Variants in QTMAN observed in about 807,000 individuals in gnomAD.
The protein encoded by QTMAN is queuosine-tRNA mannosyltransferase, also known as tRNA-queuosine alpha-mannosyltransferase.
the QTMAN span, among the ~76,000 whole-genome samples, chr2:143,984,953 G>T: frequency 6.6e-6 from 1 of 152,106 alleles, no homozygotes; most frequent in Non-Finnish European, 1.5e-5. Context: ...CAAGAACTTG[G>T]GTACCAAGAG....
chr2:143,983,440 T>C, the QTMAN span, among the ~76,000 whole-genome samples: 2 of 151,474 alleles, frequency 1.3e-5, no homozygotes, highest in African/African-American at 4.8e-5. Flanking sequence ...CAGTTATCTA[T>C]AATAAACTGA....
At chr2:144,068,349 TTC>T in the QTMAN span, among the ~76,000 whole-genome samples, 4 of 152,200 alleles carry the variant, frequency 2.6e-5, no homozygotes, top group Non-Finnish European at 5.9e-5. Flanking sequence ...GAATCCACAG[TTC>T]TGTTTGACTG....
the QTMAN span, among the ~76,000 whole-genome samples, chr2:144,049,431 A>G: frequency 6.6e-6 from 1 of 152,192 alleles, no homozygotes; most frequent in Non-Finnish European, 1.5e-5. Context: ...CTACTTTTAG[A>G]GCAATATATT....
At chr2:144,210,728 A>G in the QTMAN span, 1 of 152,214 alleles carries the variant, frequency 6.6e-6, no homozygotes, top group African/African-American at 2.4e-5. Flanking sequence ...GGAAATTGCT[A>G]GAAAGTAACT....
At chr2:144,036,571 T>G in the QTMAN span, among the ~76,000 whole-genome samples, 3 of 151,906 alleles carry the variant, frequency 2.0e-5, no homozygotes, top group East Asian at 1.9e-4. Flanking sequence ...AACACCATGT[T>G]GTACACCTTA....
the QTMAN span, among the ~76,000 whole-genome samples, chr2:143,995,494 T>A: frequency 6.6e-6 from 1 of 152,196 alleles, no homozygotes; most frequent in Admixed American, 6.5e-5. Flanking sequence ...ATTACATATA[T>A]CATCTTCTTT....
the QTMAN span, among the ~76,000 whole-genome samples, chr2:144,111,308 C>T: frequency 6.6e-6 from 1 of 152,144 alleles, no homozygotes; most frequent in African/African-American, 2.4e-5. Context: ...TGTTTCTTCC[C>T]CTGTACCCTT....
chr2:144,163,552 T>C, the QTMAN span, among the ~76,000 whole-genome samples: 1 of 152,202 alleles, frequency 6.6e-6, no homozygotes, highest in Non-Finnish European at 1.5e-5. Context: ...AATCCCTTTA[T>C]TTGTAAATAC....
the QTMAN span, among the ~76,000 whole-genome samples, chr2:144,150,881 T>G: frequency 6.6e-6 from 1 of 152,162 alleles, no homozygotes; most frequent in Non-Finnish European, 1.5e-5. Context: ...TCTAAGCATG[T>G]GCTGAGCACC....
chr2:144,107,002 G>C, the QTMAN span, among the ~76,000 whole-genome samples: 1 of 152,214 alleles, frequency 6.6e-6, no homozygotes, highest in Non-Finnish European at 1.5e-5. Flanking sequence ...GCTCCTGAAT[G>C]ACTACTGGGT....
the QTMAN span, among the ~76,000 whole-genome samples, chr2:144,163,463 A>C: frequency 4.6e-5 from 7 of 152,308 alleles, no homozygotes; most frequent in South Asian, 1.4e-3. Context: ...TAAAGTTAGT[A>C]ATCCCTACAT....
chr2:144,192,908 T>C, the QTMAN span, among the ~76,000 whole-genome samples: 57 of 152,230 alleles, frequency 3.7e-4, no homozygotes, highest in African/African-American at 1.3e-3. Context: ...TTGGCAGCTA[T>C]GATGTTCAGC....
At chr2:144,202,202 A>C in the QTMAN span, among the ~76,000 whole-genome samples, 3 of 152,246 alleles carry the variant, frequency 2.0e-5, no homozygotes, top group African/African-American at 7.2e-5. Context: ...AAAACAAGAA[A>C]GCATGAAAGC....
chr2:143,974,472 C>A, the QTMAN span, among the ~76,000 whole-genome samples: 82 of 152,168 alleles, frequency 5.4e-4, no homozygotes, highest in African/African-American at 2.0e-3. Context: ...TTCTGACACA[C>A]ATATATGATG....
chr2:144,230,606 C>T, the QTMAN span, among the ~76,000 whole-genome samples: 1 of 152,010 alleles, frequency 6.6e-6, no homozygotes, highest in Admixed American at 6.5e-5. Flanking sequence ...GCTGATGTAA[C>T]AGATGACACA....
chr2:144,264,215 T>C, the QTMAN span, among the ~76,000 whole-genome samples: 1 of 152,146 alleles, frequency 6.6e-6, no homozygotes, highest in African/African-American at 2.4e-5. Context: ...ATATCACATA[T>C]TCTATAGTAG....
the QTMAN span, among the ~76,000 whole-genome samples, chr2:144,165,543 A>G: frequency 6.6e-6 from 1 of 152,172 alleles, no homozygotes; most frequent in Non-Finnish European, 1.5e-5. Context: ...TTAGGCTTTC[A>G]GTATTATTTA....
At chr2:144,007,643 A>T in the QTMAN span, 1 of 683,762 alleles carries the variant, frequency 1.5e-6, no homozygotes, top group African/African-American at 1.8e-5. Flanking sequence ...CTGAGAAAAA[A>T]TAAAGATGTT....
At chr2:144,006,161 G>C in the QTMAN span, 2 of 152,070 alleles carry the variant, frequency 1.3e-5, no homozygotes, top group Non-Finnish European at 1.5e-5. Context: ...GTATGAAGTT[G>C]CACAAACAAA....
Sources: allele counts gnomAD v4.1 joint callset (sites outside exome capture counted in the v4.1 genomes callset), GRCh38; gene constraint gnomAD v4.1.1; transcripts MANE v1.5; gene names NCBI Gene and HGNC (gene_info 2026-07-23, HGNC 2026-07-21).